The following CCDC40 variants were observed in gnomAD, a reference collection of about 807,000 sequenced individuals.
CCDC40 encodes the protein coiled-coil domain-containing protein 40.
In CCDC40, 104 loss-of-function variants were observed where a neutral mutation model predicts 124.5. That is an observed-to-expected ratio of 0.84 (90% confidence interval 0.71 to 0.98). The LOEUF (loss-of-function observed/expected upper bound fraction) is 0.98. CCDC40 is among the 50% of genes least tolerant of loss of function. CCDC40 has a pLI of 0.00. For missense variants in CCDC40, 1,463 were observed against 1,503.9 expected (o/e 0.97, Z 0.45); for synonymous variants, 580 against 602.9 (o/e 0.96, Z 0.56).
intron 12 of CCDC40, among the ~76,000 whole-genome samples, chr17:80,083,467 T>C (rs1464181101): frequency 6.6e-6 from 1 of 151,646 alleles, no homozygotes; most frequent in Non-Finnish European, 1.5e-5. Flanking sequence ...GAGGCTGGGG[T>C]AGGCAGGAGC....
At chr17:80,093,816 TTTTC>T (rs1489996602) in intron 17 of CCDC40, among the ~76,000 whole-genome samples, 4 of 151,788 alleles carry the variant, frequency 2.6e-5, no homozygotes, top group African/African-American at 9.7e-5. Flanking sequence ...ACCCGGCCTG[TTTTC>T]TTATTTCTTA....
chr17:80,096,294 T>C (rs1296072507), intron 18 of CCDC40, among the ~76,000 whole-genome samples: 1 of 152,126 alleles, frequency 6.6e-6, no homozygotes, highest in Non-Finnish European at 1.5e-5. Context: ...ACCTGTGAAA[T>C]GGGTGCCCAC....
chr17:80,037,953 C>T (rs1235031164), intron 1 of CCDC40, 170 bp from the exon 2 acceptor site: 1 of 605,662 alleles, frequency 1.7e-6, no homozygotes, highest in African/African-American at 1.9e-5. Context: ...ACCTGACAGG[C>T]ATGATATAGT....
In CCDC40 at chr17:80,086,357, C is replaced by T; in HGVS notation, c.2449+141C>T. The T allele has an allele frequency of 1.4e-6, 1 of 703,210 alleles. No individual in the cohort carries two copies. Among genetic ancestry groups the T allele is most frequent in the South Asian group, 1.6e-5 (1 of 62,724 alleles). 43.6% of individuals were successfully genotyped at this position (703,210 alleles called of 1,614,324 possible). ...AAAGCAAATAACAAACGCGCATGCT[C>T]CCTGTATTTTGTAAATGTGAACCAC... On this transcript the variant is annotated intron_variant, in intron 14 of 19. Coordinates refer to ENST00000397545, the MANE Select transcript of CCDC40 (RefSeq NM_017950.4). The surrounding 1 kb of genome is among the most constrained non-coding windows in gnomAD (Gnocchi z 5.5).
chr17:80,079,655 C>T (rs1199907485), intron 10 of CCDC40, among the ~76,000 whole-genome samples: 1 of 152,028 alleles, frequency 6.6e-6, no homozygotes, highest in Non-Finnish European at 1.5e-5. Context: ...GGCACGGTGG[C>T]TCATGCCTGT....
rs963255117 is a variant in CCDC40 at position 80,087,533 on chromosome 17, C to T, written c.2450-74C>T. On this transcript the variant is annotated intron_variant, in intron 14 of 19. Coordinates refer to ENST00000397545, the MANE Select transcript of CCDC40 (RefSeq NM_017950.4). This position sits in a 1 kb window ranked among gnomAD's most constrained non-coding sequence, Gnocchi z 4.5. ...GAGAGACAAAACCTGGCTCACCTCT[C>T]GGACACTGCTGCCTGCGGGCGAGGA... The T allele has an allele frequency of 1.2e-5, 15 of 1,248,626 alleles. No homozygotes were observed. Among genetic ancestry groups the T allele is most frequent in the African/African-American group, 8.9e-5 (6 of 67,608 alleles). 77.3% of individuals were successfully genotyped at this position (1,248,626 alleles called of 1,614,324 possible).
intron 18 of CCDC40, among the ~76,000 whole-genome samples, chr17:80,096,239 C>T (rs1248517245): frequency 1.3e-5 from 2 of 152,200 alleles, no homozygotes; most frequent in African/African-American, 4.8e-5. Flanking sequence ...TGGACCATTC[C>T]TGACTGGGGC....
intron 3 of CCDC40, among the ~76,000 whole-genome samples, chr17:80,046,820 A>G (rs1329793613): frequency 3.9e-5 from 6 of 152,078 alleles, no homozygotes; most frequent in African/African-American, 1.4e-4. Context: ...TCCCTTCATA[A>G]AAACACCTGG....
chr17:80,085,467 G>A (rs1466905115), intron 13 of CCDC40, among the ~76,000 whole-genome samples: 1 of 152,088 alleles, frequency 6.6e-6, no homozygotes, highest in Non-Finnish European at 1.5e-5. Flanking sequence ...CACCCACCCT[G>A]CCAGCGCACC....
At position 80,048,509 on chromosome 17, in the gene CCDC40, T is replaced by C. The variant is rs752223206; in HGVS notation, c.677-74T>C. 19 of 1,249,080 alleles carry C rather than the reference T, an allele frequency of 1.5e-5. No individual in the cohort carries two copies. In the East Asian group the frequency reaches 1.9e-4, roughly 13 times the overall value. The allele number at this position is 1,249,080 out of a possible 1,614,324, so 77.4% of individuals were successfully genotyped here. A position where few individuals can be genotyped will look rare whatever the true frequency, so the allele number is the denominator to read the frequency against. On this transcript the variant is annotated intron_variant, in intron 4 of 19. Coordinates refer to ENST00000397545, the MANE Select transcript of CCDC40 (RefSeq NM_017950.4). ...ATGAGGCATGACAGCAGCTGTGCCATTGATGCCCCAGAATAGAATCACTGA... is the reference window on the plus strand; with the variant it reads ...ATGAGGCATGACAGCAGCTGTGCCACTGATGCCCCAGAATAGAATCACTGA...
At chr17:80,079,737 C>T (rs779151651) in intron 10 of CCDC40, among the ~76,000 whole-genome samples, 2 of 141,230 alleles carry the variant, frequency 1.4e-5, no homozygotes, top group African/African-American at 5.4e-5. Context: ...GCCTGGCCAA[C>T]AGGGCGAAAC....
intron 10 of CCDC40, among the ~76,000 whole-genome samples, chr17:80,079,785 G>A (rs147110927): frequency 0.022 from 2,821 of 130,664 alleles, 98 homozygotes; most frequent in African/African-American, 0.079. Context: ...AAAAAAAATA[G>A]GCAGGCATGG....
chr17:80,083,112 C>T (rs2038497320), intron 12 of CCDC40, among the ~76,000 whole-genome samples: 1 of 147,498 alleles, frequency 6.8e-6, no homozygotes, highest in South Asian at 2.2e-4. Context: ...AGGGTGGGCT[C>T]CACAGAGACC....
At chr17:80,075,459 G>T (rs1353467506) in intron 10 of CCDC40, among the ~76,000 whole-genome samples, 2 of 151,962 alleles carry the variant, frequency 1.3e-5, no homozygotes, top group East Asian at 1.9e-4. Context: ...ATTTTTTTAA[G>T]GTTGGAATTG....
intron 17 of CCDC40, chr17:80,090,312 C>A (rs750752910): frequency 3.0e-6 from 4 of 1,332,192 alleles, no homozygotes; most frequent in South Asian, 3.1e-5. Flanking sequence ...CGTGCACGAA[C>A]AACACGGGAC....
intron 4 of CCDC40, chr17:80,048,368 A>G (rs1169898863): frequency 1.6e-6 from 1 of 609,396 alleles, no homozygotes; most frequent in Non-Finnish European, 3.0e-6. Flanking sequence ...GCCTACCTTT[A>G]AAACGGGACG....
chr17:80,087,884 A>G lies in CCDC40; in HGVS notation c.2619+108A>G. On this transcript the variant is annotated intron_variant, in intron 15 of 19. Coordinates refer to ENST00000397545, the MANE Select transcript of CCDC40 (RefSeq NM_017950.4). This position sits in a 1 kb window ranked among gnomAD's most constrained non-coding sequence, Gnocchi z 4.5. ...GATGTAATTTCCACACCCGTTCAAG[A>G]TGCTTGTAGGGGTATTAGAAATCCA... 1 of 1,292,226 alleles carries G rather than the reference A, an allele frequency of 7.7e-7. No individual in the cohort carries two copies. Among genetic ancestry groups the G allele is most frequent in the Admixed American group, 1.7e-5 (1 of 59,560 alleles). 80.0% of individuals were successfully genotyped at this position (1,292,226 alleles called of 1,614,324 possible).
Position 80,079,806 on chromosome 17 carries a change from C to T in CCDC40, c.1563-1740C>T, listed in dbSNP as rs530285354. Among the ~76,000 whole-genome samples, 44 of 150,952 alleles carry T rather than the reference C, an allele frequency of 2.9e-4. No homozygotes were observed. The South Asian group carries it at 9.2e-3, about 32-fold the overall frequency. On this transcript the variant is annotated intron_variant, in intron 10 of 19. Transcript: ENST00000397545. ...AATAGGCAGGCATGGTGGCACACGC[C>T]TGTGGTCCCAGCTACTCAGGCAGCT...
intron 7 of CCDC40, among the ~76,000 whole-genome samples, chr17:80,051,627 TCAAAAA>T (rs1568679209): frequency 1.0e-4 from 2 of 19,364 alleles, no homozygotes; most frequent in African/African-American, 5.2e-4. Context: ...AGACTCCGTC[TCAAAAA>T]AAAAAAAAAA....
Sources: allele counts gnomAD v4.1 joint callset (sites outside exome capture counted in the v4.1 genomes callset), GRCh38; gene constraint gnomAD v4.1.1; non-coding constraint Gnocchi (gnomAD v3.1); transcripts MANE v1.5; gene names NCBI Gene and HGNC (gene_info 2026-07-23, HGNC 2026-07-21).